The following RORA variants were observed in gnomAD, a reference collection of about 807,000 sequenced individuals.
RORA encodes the protein RAR related orphan receptor A.
Under a neutral mutation model 69.5 loss-of-function variants are expected in RORA, and 7 were observed. The ratio of observed to expected loss-of-function variants is 0.10; its 90% CI spans 0.06 to 0.19. The LOEUF (loss-of-function observed/expected upper bound fraction) is 0.19. Among genes scored for constraint, RORA ranks in the 10% least tolerant of loss-of-function variants. The pLI is 1.00. For synonymous variants in RORA, 261 were observed against 240.8 expected (o/e 1.08, Z -0.78); for missense variants, 457 against 663.0 (o/e 0.69, Z 3.41).
chr15:60,709,339 T>C (rs61402651), intron 1 of RORA, among the ~76,000 whole-genome samples: 11,000 of 152,228 alleles, frequency 0.072, 1,289 homozygotes, highest in African/African-American at 0.25. Context: ...TCTCATTTTA[T>C]TGATTAAGAA....
At chr15:61,093,954 TTCTCTGCTTCCG>T (rs1436882946) in intron 1 of RORA, among the ~76,000 whole-genome samples, 1 of 152,212 alleles carries the variant, frequency 6.6e-6, no homozygotes, top group Admixed American at 6.5e-5. Context: ...GATTACAAAC[TTCTCTGCTTCCG>T]TCGCCAAGTC....
At chr15:61,054,826 G>GT (rs66846535) in intron 1 of RORA, among the ~76,000 whole-genome samples, 19,100 of 134,514 alleles carry the variant, frequency 0.14, 1,545 homozygotes, top group East Asian at 0.28. Flanking sequence ...TTTGTTTTTT[G>GT]TTTTTTTTTT....
intron 1 of RORA, among the ~76,000 whole-genome samples, chr15:61,186,594 T>C (rs577793921): frequency 8.3e-6 from 1 of 119,950 alleles, no homozygotes; most frequent in East Asian, 2.7e-4. Context: ...TGAGCCAAGA[T>C]CATGCCACTG....
intron 1 of RORA, among the ~76,000 whole-genome samples, chr15:61,217,214 A>G (rs1466389942): frequency 1.3e-5 from 2 of 152,192 alleles, no homozygotes; most frequent in Non-Finnish European, 2.9e-5. Flanking sequence ...TGCATGGAGT[A>G]AAAACATAAA....
At chr15:61,075,508 C>T (rs766693459) in intron 1 of RORA, among the ~76,000 whole-genome samples, 2 of 152,172 alleles carry the variant, frequency 1.3e-5, no homozygotes, top group African/African-American at 2.4e-5. Context: ...TGGTAGGGCA[C>T]CTTCAGTCAG....
At chr15:60,922,286 G>T (rs1284982542) in intron 1 of RORA, among the ~76,000 whole-genome samples, 3 of 152,082 alleles carry the variant, frequency 2.0e-5, no homozygotes, top group Non-Finnish European at 4.4e-5. Flanking sequence ...CCTGTAGAAG[G>T]CACAACACCA....
intron 1 of RORA, among the ~76,000 whole-genome samples, chr15:60,964,477 G>A (rs1861150167): frequency 6.6e-6 from 1 of 152,160 alleles, no homozygotes; most frequent in Non-Finnish European, 1.5e-5. Flanking sequence ...GGTGGGGATG[G>A]AGCAGAGGGG....
intron 2 of RORA, among the ~76,000 whole-genome samples, chr15:60,566,839 G>A (rs910752240): frequency 6.6e-6 from 1 of 152,154 alleles, no homozygotes; most frequent in African/African-American, 2.4e-5. Flanking sequence ...GTGTCTCAAG[G>A]GCAGGGTAGA....
intron 1 of RORA, among the ~76,000 whole-genome samples, chr15:61,100,894 C>T (rs1347257843): frequency 6.6e-6 from 1 of 152,180 alleles, no homozygotes; most frequent in Non-Finnish European, 1.5e-5. Flanking sequence ...CTACCTGGAA[C>T]ACCAGCATGA....
chr15:61,100,186 C>G (rs1478267622), intron 1 of RORA, among the ~76,000 whole-genome samples: 2 of 141,056 alleles, frequency 1.4e-5, no homozygotes, highest in East Asian at 4.5e-4. Context: ...GTGACACGAT[C>G]TCGGCTCACT....
intron 1 of RORA, among the ~76,000 whole-genome samples, chr15:61,150,588 C>T (rs1259607484): frequency 2.6e-5 from 4 of 152,160 alleles, no homozygotes; most frequent in Non-Finnish European, 5.9e-5. Context: ...CAAAAAGGCT[C>T]TTGCTTATAT....
chr15:60,692,435 T>C (rs2140776481), intron 1 of RORA, among the ~76,000 whole-genome samples: 1 of 152,304 alleles, frequency 6.6e-6, no homozygotes, highest in Non-Finnish European at 1.5e-5. Context: ...TCACGCTACA[T>C]AGCAGGTCCA....
chr15:60,932,967 C>A (rs1460484124), intron 1 of RORA, among the ~76,000 whole-genome samples: 2 of 152,180 alleles, frequency 1.3e-5, no homozygotes, highest in Non-Finnish European at 2.9e-5. Flanking sequence ...GACAACCTTT[C>A]ACTTAAAAAC....
chr15:60,839,368 C>G (rs144186066), intron 1 of RORA, among the ~76,000 whole-genome samples: 6 of 152,284 alleles, frequency 3.9e-5, no homozygotes, highest in African/African-American at 1.4e-4. Flanking sequence ...TGAATAATCT[C>G]ATTTGTATTT....
chr15:60,614,948 T>A, intron 2 of RORA: 1 of 1,614,048 alleles, frequency 6.2e-7, no homozygotes, highest in East Asian at 2.2e-5. Flanking sequence ...TTAATAAAGT[T>A]CTTGGCTGTG....
Position 60,537,175 on chromosome 15 carries a change from G to GTCT in RORA, c.197-5327_197-5325dup, listed in dbSNP as rs2066706914. On this transcript the variant is annotated intron_variant, in intron 2 of 10. Coordinates refer to ENST00000335670, the MANE Select transcript of RORA (RefSeq NM_134261.3). This position sits in a 1 kb window ranked among gnomAD's most constrained non-coding sequence, Gnocchi z 4.9. ...AGGTTAGCCGGGGGAGAGCTGCAGA[G>GTCT]TCTTCACCTTATTCCCTGGAGGGAC... is the stretch of plus-strand genomic sequence containing the variant. Among the ~76,000 whole-genome samples, 1 of 152,208 alleles carries GTCT rather than the reference G, an allele frequency of 6.6e-6. No individual in the cohort carries two copies. The highest frequency in any genetic ancestry group is 2.1e-4 in the South Asian group (1 of 4,830).
chr15:60,941,319 G>A (rs1892689741), intron 1 of RORA, among the ~76,000 whole-genome samples: 1 of 152,202 alleles, frequency 6.6e-6, no homozygotes, highest in Non-Finnish European at 1.5e-5. Flanking sequence ...GGATGAAATG[G>A]TTGTTAAAGC....
At chr15:60,629,184 A>ATTTTTTTTTTT (rs2069670023) in intron 2 of RORA, among the ~76,000 whole-genome samples, 1 of 70,290 alleles carries the variant, frequency 1.4e-5, no homozygotes, top group East Asian at 4.8e-4. Flanking sequence ...TTGACTGTTT[A>ATTTTTTTTTTT]TTCTTTTTTT....
intron 1 of RORA, among the ~76,000 whole-genome samples, chr15:61,034,355 G>A (rs749573771): frequency 1.3e-5 from 2 of 152,118 alleles, no homozygotes; most frequent in Admixed American, 6.5e-5. Flanking sequence ...ATTTTCTTAC[G>A]TTTCTCAGAC....
Sources: allele counts gnomAD v4.1 joint callset (sites outside exome capture counted in the v4.1 genomes callset), GRCh38; gene constraint gnomAD v4.1.1; non-coding constraint Gnocchi (gnomAD v3.1); transcripts MANE v1.5; gene names NCBI Gene and HGNC (gene_info 2026-07-23, HGNC 2026-07-21).